The following PDE4D variants were observed in gnomAD, a reference collection of about 807,000 sequenced individuals.
PDE4D encodes 3',5'-cyclic-AMP phosphodiesterase 4D.
A neutral mutation model predicts 87.4 loss-of-function variants in PDE4D; 24 were observed. The ratio of observed to expected loss-of-function variants is 0.27; its 90% CI spans 0.20 to 0.39. The LOEUF is 0.39. PDE4D is among the 10% of genes least tolerant of loss of function. The pLI is 1.00. For synonymous variants in PDE4D, 384 were observed against 383.2 expected, an observed-to-expected ratio of 1.00 and a Z score of -0.02; for missense variants, 714 against 1,041.0, an observed-to-expected ratio of 0.69 and a Z score of 4.32.
chr5:60,520,555 G>C (rs1285608749), intron 1 of PDE4D, among the ~76,000 whole-genome samples: 1 of 152,200 alleles, frequency 6.6e-6, no homozygotes, highest in Non-Finnish European at 1.5e-5. Flanking sequence ...GTCCAGAAAA[G>C]AGAAAGGTCA....
intron 2 of PDE4D, among the ~76,000 whole-genome samples, chr5:60,155,080 A>G (rs1400079933): frequency 6.6e-6 from 1 of 152,154 alleles, no homozygotes; most frequent in Non-Finnish European, 1.5e-5. Flanking sequence ...CTTTTATGAA[A>G]AGTTGCATGC....
At chr5:59,578,065 A>C (rs1164487840) in intron 1 of PDE4D, among the ~76,000 whole-genome samples, 1 of 152,158 alleles carries the variant, frequency 6.6e-6, no homozygotes, top group East Asian at 1.9e-4. Context: ...ATATATATGG[A>C]TTTGTGACAT....
chr5:60,181,688 T>C (rs1210028560), intron 2 of PDE4D, among the ~76,000 whole-genome samples: 2 of 152,168 alleles, frequency 1.3e-5, no homozygotes, highest in Admixed American at 6.5e-5. Flanking sequence ...AAGAAAATGA[T>C]TCAGTGTACT....
chr5:60,502,406 C>T (rs1480515629), intron 1 of PDE4D, among the ~76,000 whole-genome samples: 1 of 152,122 alleles, frequency 6.6e-6, no homozygotes, highest in Non-Finnish European at 1.5e-5. Context: ...GTTACTGTAG[C>T]CTTGTAGTAT....
At chr5:59,275,187 A>C (rs1764554029) in intron 1 of PDE4D, 1 of 585,932 alleles carries the variant, frequency 1.7e-6, no homozygotes, top group Non-Finnish European at 2.9e-6. Flanking sequence ...TGGTTAAAGC[A>C]CATGAGTTTG....
chr5:59,360,618 C>A (rs1333233352), intron 1 of PDE4D, among the ~76,000 whole-genome samples: 1 of 152,104 alleles, frequency 6.6e-6, no homozygotes, highest in African/African-American at 2.4e-5. Context: ...CATTACTTAT[C>A]AAAATCAACT....
chr5:59,337,569 T>C (rs1314114438), intron 1 of PDE4D, among the ~76,000 whole-genome samples: 2 of 152,182 alleles, frequency 1.3e-5, no homozygotes, highest in South Asian at 2.1e-4. Context: ...ATTATCTCAC[T>C]TAATCCCCAC....
intron 2 of PDE4D, among the ~76,000 whole-genome samples, chr5:60,124,558 C>T (rs1778963269): frequency 6.6e-6 from 1 of 152,112 alleles, no homozygotes; most frequent in Admixed American, 6.6e-5. Context: ...CTCTTTTCTC[C>T]TCTTCAAGTA....
chr5:59,817,741 C>CT, intron 1 of PDE4D, among the ~76,000 whole-genome samples: 1 of 139,622 alleles, frequency 7.2e-6, no homozygotes, highest in Non-Finnish European at 1.6e-5. Flanking sequence ...CACACACCCA[C>CT]ACCCCCCCCC....
chr5:59,767,264 A>C (rs750763335), intron 1 of PDE4D, among the ~76,000 whole-genome samples: 12 of 151,696 alleles, frequency 7.9e-5, no homozygotes, highest in Non-Finnish European at 1.8e-4. Context: ...CTTTTTTGTT[A>C]TGTTTTCTTT....
intron 1 of PDE4D, among the ~76,000 whole-genome samples, chr5:59,744,657 C>G (rs1325532927): frequency 6.6e-6 from 1 of 152,108 alleles, no homozygotes; most frequent in Non-Finnish European, 1.5e-5. Context: ...CATTGAGAAT[C>G]CTGCTGGTTG....
intron 5 of PDE4D, among the ~76,000 whole-genome samples, chr5:59,148,791 G>GTA (rs1779056933): frequency 6.7e-6 from 1 of 149,110 alleles, no homozygotes; most frequent in African/African-American, 2.5e-5. Flanking sequence ...GTGTGTGTGT[G>GTA]TATCTGTGTG....
At chr5:59,519,428 C>T (rs1205142121) in intron 1 of PDE4D, among the ~76,000 whole-genome samples, 2 of 152,168 alleles carry the variant, frequency 1.3e-5, no homozygotes, top group African/African-American at 4.8e-5. Context: ...CAGGATGGAA[C>T]CAGCCATCCA....
At chr5:59,997,165 G>A (rs1763594981) in intron 2 of PDE4D, among the ~76,000 whole-genome samples, 1 of 152,014 alleles carries the variant, frequency 6.6e-6, no homozygotes, top group South Asian at 2.1e-4. Context: ...TATTTTGTTA[G>A]TAGAGGAAGG....
chr5:59,722,817 T>C (rs534351255), intron 1 of PDE4D, among the ~76,000 whole-genome samples: 1 of 152,172 alleles, frequency 6.6e-6, no homozygotes, highest in African/African-American at 2.4e-5. Flanking sequence ...GGGCTCAGTA[T>C]ACTCCTATAT....
At chr5:58,990,707 GT>G in intron 9 of PDE4D, 96 bp downstream of exon 9, 1 of 667,162 alleles carries the variant, frequency 1.5e-6, no homozygotes, top group South Asian at 1.9e-5. Flanking sequence ...TAAGCAAAAG[GT>G]GGGGAATATT....
intron 1 of PDE4D, among the ~76,000 whole-genome samples, chr5:59,662,035 G>A (rs1745333019): frequency 6.6e-6 from 1 of 152,152 alleles, no homozygotes; most frequent in Admixed American, 6.5e-5. Flanking sequence ...TGGAATGTGA[G>A]TGGAGATGAC....
chr5:59,470,555 A>G (rs534377154), intron 1 of PDE4D, among the ~76,000 whole-genome samples: 1 of 152,354 alleles, frequency 6.6e-6, no homozygotes, highest in East Asian at 1.9e-4. Flanking sequence ...AAGATCTTCC[A>G]TAAACCTGAG....
chr5:58,987,588 T>C (rs1438338193), intron 11 of PDE4D, among the ~76,000 whole-genome samples: 1 of 152,220 alleles, frequency 6.6e-6, no homozygotes, highest in Non-Finnish European at 1.5e-5. Flanking sequence ...AATAATTCTA[T>C]AGCTAGATTG....
Sources: gnomAD v4.1 joint callset for allele counts (sites outside exome capture counted in the v4.1 genomes callset) on GRCh38, gnomAD v4.1.1 for gene constraint, MANE v1.5 for transcripts, NCBI Gene and HGNC (gene_info 2026-07-23, HGNC 2026-07-21) for gene names.